The following DGLUCY variants were observed in gnomAD, a reference collection of about 807,000 sequenced individuals.
DGLUCY encodes the protein D-glutamate cyclase.
A neutral mutation model predicts 58.5 loss-of-function variants in DGLUCY; 58 were observed. The observed-to-expected ratio is 0.99, with a 90% confidence interval of 0.80 to 1.23. The LOEUF is 1.23. DGLUCY is among the 50% of genes most tolerant of loss of function. The probability of loss-of-function intolerance (pLI) is 0.00; values close to 1 mark genes in which losing one functional copy is unlikely to be tolerated. For missense variants in DGLUCY, 779 were observed against 784.7 expected (o/e 0.99, Z 0.09); for synonymous variants, 325 against 314.1 (o/e 1.03, Z -0.37).
At chr14:91,211,299 A>C (rs1885646875) in intron 12 of DGLUCY, among the ~76,000 whole-genome samples, 1 of 152,232 alleles carries the variant, frequency 6.6e-6, no homozygotes, top group Non-Finnish European at 1.5e-5. Context: ...TCAAAATCCC[A>C]GTAAGTTATT....
At chr14:91,109,823 G>A (rs1334660344), upstream of DGLUCY, among the ~76,000 whole-genome samples, 1 of 152,178 alleles carries the variant, frequency 6.6e-6, no homozygotes, top group Non-Finnish European at 1.5e-5. Flanking sequence ...ACAGGAATTT[G>A]GAGGGGATAT....
chr14:91,126,089 T>C (rs2045661691), intron 1 of DGLUCY, among the ~76,000 whole-genome samples: 1 of 152,208 alleles, frequency 6.6e-6, no homozygotes, highest in African/African-American at 2.4e-5. Context: ...CACTGGGTAC[T>C]GGGGGACACT....
intron 1 of DGLUCY, among the ~76,000 whole-genome samples, chr14:91,143,847 A>G (rs2046870308): frequency 6.6e-6 from 1 of 152,048 alleles, no homozygotes; most frequent in African/African-American, 2.4e-5. Context: ...TTCCATCTTC[A>G]TTTGCCACAT....
rs28394008 is a variant in DGLUCY at position 91,206,338 on chromosome 14, C to G, written c.1564+1513C>G. Among the ~76,000 whole-genome samples, 1,220 of 152,096 alleles carry G rather than the reference C, an allele frequency of 8.0e-3. 13 individuals carry two copies. Among genetic ancestry groups the G allele is most frequent in the African/African-American group, 0.028 (1,166 of 41,466 alleles). ...AGGACTGCAGAGCCCTTCCCCTCCC[C>G]GACACATCTTACCACCATCACTAAA... On this transcript the variant is annotated intron_variant, in intron 12 of 13. Transcript: ENST00000256324.
chr14:91,195,815 C>T (rs73332568), intron 9 of DGLUCY, among the ~76,000 whole-genome samples: 3,339 of 151,836 alleles, frequency 0.022, 81 homozygotes, highest in African/African-American at 0.057. Context: ...GAACTATAGG[C>T]GCTTGCCATC....
intron 13 of DGLUCY, chr14:91,223,805 C>T (rs1187507891): frequency 1.1e-6 from 1 of 886,788 alleles, no homozygotes; most frequent in African/African-American, 1.8e-5. Flanking sequence ...TGTACGTAAT[C>T]CTCAGAACAA....
intron 1 of DGLUCY, among the ~76,000 whole-genome samples, chr14:91,094,267 T>G (rs2044358560): frequency 6.6e-6 from 1 of 151,574 alleles, no homozygotes; most frequent in South Asian, 2.1e-4. Flanking sequence ...AAACCCTGTC[T>G]CTACTAAAAA....
At position 91,224,934 on chromosome 14, in the gene DGLUCY, T is replaced by G; in HGVS notation, c.*101T>G. The G allele has an allele frequency of 7.5e-7, 1 of 1,337,596 alleles. No individual in the cohort carries two copies. The highest frequency in any genetic ancestry group is 9.9e-7 in the Non-Finnish European group (1 of 1,005,224). 82.9% of individuals were successfully genotyped at this position (1,337,596 alleles called of 1,614,324 possible). The stretch of plus-strand genomic sequence containing the variant: ...CGACAATCCTGCTAGTAAACACTGG[T>G]CTTCGGTGAGCAACGAACACTCGCC... On this transcript the variant is annotated 3_prime_UTR_variant, in exon 14 of 14. Coordinates refer to ENST00000256324, the MANE Select transcript of DGLUCY (RefSeq NM_001102368.3).
At chr14:91,144,653 G>A (rs2046919449) in intron 1 of DGLUCY, among the ~76,000 whole-genome samples, 1 of 152,170 alleles carries the variant, frequency 6.6e-6, no homozygotes, top group South Asian at 2.1e-4. Context: ...TGAGCTGACT[G>A]GCTTAGCTTA....
intron 7 of DGLUCY, among the ~76,000 whole-genome samples, chr14:91,179,049 C>G (rs1272489698): frequency 6.6e-6 from 1 of 151,852 alleles, no homozygotes; most frequent in Non-Finnish European, 1.5e-5. Flanking sequence ...TTTATTGTTT[C>G]TGTGAAATCC....
chr14:91,106,472 C>T (rs1358846060), upstream of DGLUCY, among the ~76,000 whole-genome samples: 3 of 151,054 alleles, frequency 2.0e-5, no homozygotes, highest in African/African-American at 4.9e-5. Context: ...TTTGGGAGGC[C>T]GAGGCGGGCA....
Position 91,188,920 on chromosome 14 carries a change from G to C in DGLUCY, c.945G>C (p.Gly315=). 1.2e-6 allele frequency: 2 copies of C among 1,613,238 alleles called. No homozygotes were observed. The highest frequency in any genetic ancestry group is 1.7e-6 in the Non-Finnish European group (2 of 1,179,630). ...SMIGIDPGNR[G]IGHLLCKDEL... is the part of the protein sequence containing the mutation. ...TTTTTGTCATTTCAGGGAACCGGGG[G>C]ATTGGGCACCTGCTCTGTAAAGATG... The change falls in exon 9 of 14, where the codon GGG becomes GGC. Residue 315 remains glycine (G), a synonymous_variant. Transcript: ENST00000256324.
At chr14:91,138,282 G>A (rs965089307) in intron 1 of DGLUCY, among the ~76,000 whole-genome samples, 4 of 151,982 alleles carry the variant, frequency 2.6e-5, no homozygotes, top group African/African-American at 7.2e-5. Flanking sequence ...ACCTGAGGTC[G>A]GGAGTTCGAA....
intron 3 of DGLUCY, among the ~76,000 whole-genome samples, chr14:91,161,388 C>T (rs1264185622): frequency 6.6e-6 from 1 of 152,168 alleles, no homozygotes; most frequent in Admixed American, 6.6e-5. Flanking sequence ...CACTCTTAAA[C>T]TTAGTGGCTT....
Position 91,215,473 on chromosome 14 carries a change from A to G in DGLUCY, c.1633A>G (p.Ser545Gly), listed in dbSNP as rs1478824052. Residue 545 changes from serine (S) to glycine (G), a missense_variant, in exon 13 of 14, where the codon AGT (serine) becomes GGT (glycine). By Grantham distance (56) the Ser-to-Gly change is moderately conservative. Transcript: ENST00000256324. ...CATCCTGTACTCATGTGCTGTCCAC[A>G]GTCAGTACCTGAGGAAAGCAGTCGG... is the stretch of plus-strand genomic sequence containing the variant. ...LYILYSCAVHSQYLRKAVGPS... is the reference protein window; with the variant it reads ...LYILYSCAVHGQYLRKAVGPS... 1 of 1,614,244 alleles carries G rather than the reference A, an allele frequency of 6.2e-7. No homozygotes were observed. Among genetic ancestry groups the G allele is most frequent in the East Asian group, 2.2e-5 (1 of 44,884 alleles).
At chr14:91,183,963 T>G (rs564663716) in intron 8 of DGLUCY, among the ~76,000 whole-genome samples, 2 of 152,142 alleles carry the variant, frequency 1.3e-5, no homozygotes, top group South Asian at 4.2e-4. Flanking sequence ...CCTTGGCACC[T>G]GGAATGACTG....
chr14:91,111,264 C>CTA (rs2044694594), upstream of DGLUCY, among the ~76,000 whole-genome samples: 1 of 130,924 alleles, frequency 7.6e-6, no homozygotes, highest in African/African-American at 2.8e-5. Context: ...ATCTATATAT[C>CTA]TATATCTATC....
Position 91,074,160 on chromosome 14 carries a change from C to CACACACACACACACACACACACACACAT in DGLUCY, c.-82+13457_-82+13458insCACACACACACACACACACACACACATA, listed in dbSNP as rs1453975330. Among the ~76,000 whole-genome samples the CACACACACACACACACACACACACACAT allele has an allele frequency of 5.7e-4, 78 of 136,122 alleles. 3 individuals are homozygous for CACACACACACACACACACACACACACAT. The highest frequency in any genetic ancestry group is 2.7e-3 in the East Asian group (12 of 4,476). The allele number at this position is 136,122 out of a possible 152,430, so 89.3% of individuals were successfully genotyped here. The stretch of plus-strand genomic sequence containing the variant: ...ACACACACACACACACACACACACA[C>CACACACACACACACACACACACACACAT]AGTCAAGCACCTGTATTCCCAGCTA... On this transcript the variant is annotated intron_variant, in intron 1 of 4. Coordinates refer to the DGLUCY transcript ENST00000521334.
intron 1 of DGLUCY, among the ~76,000 whole-genome samples, chr14:91,115,747 T>A (rs2044890021): frequency 6.6e-6 from 1 of 152,202 alleles, no homozygotes; most frequent in East Asian, 1.9e-4. Flanking sequence ...CACTTCCAGC[T>A]GAGGGCTAGA....
Sources: allele counts gnomAD v4.1 joint callset (sites outside exome capture counted in the v4.1 genomes callset), GRCh38; gene constraint gnomAD v4.1.1; transcripts MANE v1.5; gene names NCBI Gene and HGNC (gene_info 2026-07-23, HGNC 2026-07-21).